The following STK38L variants were observed in gnomAD, a reference collection of about 807,000 sequenced individuals.
STK38L encodes serine/threonine kinase 38 like, also known as serine/threonine-protein kinase 38-like.
In STK38L, 28 loss-of-function variants were observed where a neutral mutation model predicts 59.7. The ratio of observed to expected loss-of-function variants is 0.47; its 90% CI spans 0.35 to 0.64. The LOEUF (loss-of-function observed/expected upper bound fraction) is 0.64. Among genes scored for constraint, STK38L ranks in the 30% least tolerant of loss-of-function variants. STK38L has a pLI of 0.01. For synonymous variants in STK38L, 162 were observed against 176.8 expected (o/e 0.92, Z 0.66); for missense variants, 314 against 555.8 (o/e 0.56, Z 4.37).
At chr12:27,273,185 T>C (rs1251853089) in intron 1 of STK38L, among the ~76,000 whole-genome samples, 1 of 152,144 alleles carries the variant, frequency 6.6e-6, no homozygotes, top group African/African-American at 2.4e-5. Context: ...TTTTCTACTT[T>C]ATTGATCCCT....
rs1426322752 is a variant in STK38L, at chr12:27,322,200, T to G, written c.1233T>G (p.Phe411Leu). 1 of 1,613,994 alleles carries G rather than the reference T, an allele frequency of 6.2e-7. No individual in the cohort carries two copies. The change falls in exon 13 of 14, where the codon TTT (phenylalanine) becomes TTG (leucine). Residue 411 changes from phenylalanine (F) to leucine (L), a missense_variant. Around this residue, in one of 3 missense-constraint regions of STK38L, gnomAD observed 94 missense variants for 142.2 expected, o/e 0.66. Transcript: ENST00000389032. ...AAAGCATTGATGATACTTCAAATTT[T>G]GATGACTTCCCTGAATCTGATATTT... ...EIKSIDDTSNFDDFPESDILQ... is the reference protein window; with the variant it reads ...EIKSIDDTSNLDDFPESDILQ...
At chr12:27,314,310 A>C (rs1218421359) in intron 6 of STK38L, among the ~76,000 whole-genome samples, 194 bp from the exon 7 acceptor site, 2 of 151,864 alleles carry the variant, frequency 1.3e-5, no homozygotes, top group African/African-American at 4.8e-5. Flanking sequence ...CTGAGGCATG[A>C]AAACTGTTTG....
At chr12:27,256,475 C>A (rs781056736) in intron 1 of STK38L, among the ~76,000 whole-genome samples, 30 of 152,228 alleles carry the variant, frequency 2.0e-4, no homozygotes, top group Non-Finnish European at 4.0e-4. Context: ...CTTTGGTATT[C>A]TGCTTAGGCA....
intron 1 of STK38L, among the ~76,000 whole-genome samples, chr12:27,286,229 A>C (rs1471904325): frequency 2.0e-5 from 3 of 152,194 alleles, no homozygotes; most frequent in Admixed American, 6.5e-5. Flanking sequence ...AGTGCTGAAA[A>C]GTGCAACTTG....
chr12:27,271,419 C>T (rs888627534), intron 1 of STK38L, among the ~76,000 whole-genome samples: 2 of 152,164 alleles, frequency 1.3e-5, no homozygotes, highest in African/African-American at 4.8e-5. Flanking sequence ...TATGGTGGAT[C>T]AGGCTTTCAT....
At chr12:27,316,324 G>T (rs900345227) in intron 9 of STK38L, among the ~76,000 whole-genome samples, 4 of 152,118 alleles carry the variant, frequency 2.6e-5, no homozygotes, top group African/African-American at 7.2e-5. Context: ...TTGCAATTGA[G>T]AATAATTGCA....
chr12:27,308,391 T>G lies in STK38L; in HGVS notation c.239T>G (p.Leu80Arg), dbSNP rs1215430681. 3 of 1,600,240 alleles carry G rather than the reference T, an allele frequency of 1.9e-6. No homozygotes were observed. In the Admixed American group the frequency reaches 5.1e-5, roughly 27 times the overall value. ...CGCAAAGAAACAGAGTTCTTACGGC[T>G]CAAAAGGACCAGACTTGGCTTGGAT... The part of the protein sequence containing the change: ...HARKETEFLR[L>R]KRTRLGLDDF... The change falls in exon 4 of 14, where the codon CTC becomes CGC. Residue 80 changes from leucine to arginine, a missense_variant. This residue lies in a region of STK38L where 192 missense variants were observed against 316.9 expected (regional missense o/e 0.61). Transcript: ENST00000389032. This position sits in a 1 kb window ranked among gnomAD's most constrained non-coding sequence, Gnocchi z 4.5.
chr12:27,290,574 T>C (rs1943874638), intron 1 of STK38L, among the ~76,000 whole-genome samples: 1 of 152,362 alleles, frequency 6.6e-6, no homozygotes, highest in African/African-American at 2.4e-5. Context: ...CTTTAGTCTT[T>C]CCAGCTGACT....
At chr12:27,305,057 G>T (rs1207862556) in intron 3 of STK38L, among the ~76,000 whole-genome samples, 1 of 152,146 alleles carries the variant, frequency 6.6e-6, no homozygotes, top group Non-Finnish European at 1.5e-5. Context: ...CTAGGGACTC[G>T]CATCAGTGGT....
In STK38L at chr12:27,317,969, A is replaced by G. The variant is rs766097064; in HGVS notation, c.1029A>G (p.Val343=). 4.3e-6 allele frequency: 7 copies of G among 1,613,856 alleles called. No homozygotes were observed. The highest frequency in any genetic ancestry group is 1.7e-5 in the Admixed American group (1 of 60,000). ...RKVMNWKETL[V]FPPEVPISEK... is the part of the protein sequence containing the mutation. The stretch of plus-strand genomic sequence containing the variant: ...TGATGAACTGGAAAGAAACTCTGGT[A>G]TTTCCTCCAGAGGTACCTATATCTG... Residue 343 remains valine (V), a synonymous_variant, in exon 11 of 14, where the codon GTA becomes GTG. Coordinates refer to ENST00000389032, the MANE Select transcript of STK38L (RefSeq NM_015000.4).
intron 1 of STK38L, among the ~76,000 whole-genome samples, chr12:27,273,756 A>G (rs892814040): frequency 6.6e-6 from 1 of 152,214 alleles, no homozygotes; most frequent in Non-Finnish European, 1.5e-5. Flanking sequence ...AGAATTTTCT[A>G]ATTTCAGAAT....
At chr12:27,317,097 A>G (rs1944604752) in intron 9 of STK38L, among the ~76,000 whole-genome samples, 4 of 152,240 alleles carry the variant, frequency 2.6e-5, no homozygotes, top group African/African-American at 9.6e-5. Flanking sequence ...CAACTAAGTG[A>G]TGAAAGGAAA....
At position 27,323,272 on chromosome 12, in the gene STK38L, A is replaced by G. The variant is rs1433751438; in HGVS notation, c.*817A>G. 1 of 152,248 alleles carries G rather than the reference A, an allele frequency of 6.6e-6. No homozygotes were observed. Among genetic ancestry groups the G allele is most frequent in the Non-Finnish European group, 1.5e-5 (1 of 68,012 alleles). 9.4% of individuals were successfully genotyped at this position (152,248 alleles called of 1,614,324 possible). On this transcript the variant is annotated 3_prime_UTR_variant, in exon 14 of 14. Transcript: ENST00000389032. ...GAACTTCTTTTTTTAACAAGAGGAC[A>G]TGGCATTATTTTAATTTGATTATGG...
intron 1 of STK38L, among the ~76,000 whole-genome samples, chr12:27,284,549 G>A (rs1452121056): frequency 6.6e-6 from 1 of 152,196 alleles, no homozygotes; most frequent in Admixed American, 6.5e-5. Context: ...CTGTAGTAGA[G>A]TCTAGAAAAT....
intron 1 of STK38L, among the ~76,000 whole-genome samples, chr12:27,273,676 C>G (rs1003241591): frequency 3.3e-5 from 5 of 151,890 alleles, no homozygotes; most frequent in African/African-American, 1.2e-4. Context: ...TAGGTTTTGA[C>G]GTTTGGTACT....
At chr12:27,298,441 C>CA (rs995403209) in intron 2 of STK38L, 18 of 148,818 alleles carry the variant, frequency 1.2e-4, no homozygotes, top group South Asian at 6.4e-4. Flanking sequence ...GACTTTGTCT[C>CA]AAAAAAAAAG....
chr12:27,258,574 C>T (rs1422490746), intron 1 of STK38L, among the ~76,000 whole-genome samples: 1 of 152,170 alleles, frequency 6.6e-6, no homozygotes, highest in Non-Finnish European at 1.5e-5. Flanking sequence ...GGTGATGTGC[C>T]CGCCTCGGCC....
At position 27,281,067 on chromosome 12, in the gene STK38L, G is replaced by GTTTTT; in HGVS notation, c.-11-16611_-11-16607dup. ...CAGATTTATTTTTGGCTTTAGCTTT[G>GTTTTT]TTTTTTTTTTTTTTTTTTTTTTTTT... On this transcript the variant is annotated intron_variant, in intron 1 of 13. Coordinates refer to ENST00000389032, the MANE Select transcript of STK38L (RefSeq NM_015000.4). Among the ~76,000 whole-genome samples, 4 of 11,552 alleles carry GTTTTT rather than the reference G, an allele frequency of 3.5e-4. 1 individual carries two copies. The highest frequency in any genetic ancestry group is 2.6e-3 in the East Asian group (2 of 762). 7.6% of individuals were successfully genotyped at this position (11,552 alleles called of 152,430 possible).
chr12:27,286,498 A>G (rs1487029703), intron 1 of STK38L, among the ~76,000 whole-genome samples: 1 of 152,104 alleles, frequency 6.6e-6, no homozygotes, highest in Non-Finnish European at 1.5e-5. Flanking sequence ...TTTACTTAAC[A>G]TTATTTTTCA....
Sources: allele counts gnomAD v4.1 joint callset (sites outside exome capture counted in the v4.1 genomes callset), GRCh38; gene constraint gnomAD v4.1.1; regional missense constraint gnomAD v4.1.1; non-coding constraint Gnocchi (gnomAD v3.1); transcripts MANE v1.5; gene names NCBI Gene and HGNC (gene_info 2026-07-23, HGNC 2026-07-21).